The following SCCPDH variants were observed in gnomAD, a reference collection of about 807,000 sequenced individuals.
SCCPDH encodes the protein saccharopine dehydrogenase-like oxidoreductase.
A neutral mutation model predicts 51.5 loss-of-function variants in SCCPDH; 34 were observed. That is an observed-to-expected ratio of 0.66 (90% confidence interval 0.50 to 0.88). SCCPDH has a LOEUF of 0.88. Among genes scored for constraint, SCCPDH ranks in the 40% least tolerant of loss-of-function variants. SCCPDH has a pLI of 0.00. For synonymous variants in SCCPDH, 187 were observed against 191.3 expected (o/e 0.98, Z 0.19); for missense variants, 464 against 527.1 (o/e 0.88, Z 1.17).
intron 3 of SCCPDH, 116 bp from the exon 4 acceptor site, chr1:246,740,056 G>A (rs187704342): frequency 4.1e-6 from 3 of 735,688 alleles, no homozygotes; most frequent in South Asian, 2.7e-5. Context: ...TTGCTGCAGA[G>A]CCACACTGCT....
At chr1:246,738,784 T>G (rs1231715261) in intron 3 of SCCPDH, among the ~76,000 whole-genome samples, 1 of 151,620 alleles carries the variant, frequency 6.6e-6, no homozygotes, top group African/African-American at 2.4e-5. Context: ...ACCCGCGAGG[T>G]GGAGGTTGCA....
intron 2 of SCCPDH, among the ~76,000 whole-genome samples, chr1:246,731,908 C>G (rs1668497983): frequency 6.6e-6 from 1 of 151,860 alleles, no homozygotes. Flanking sequence ...GTTCCCCACC[C>G]TGTGTCCAAG....
chr1:246,764,322 C>A lies in SCCPDH; in HGVS notation c.1067C>A (p.Pro356Gln), dbSNP rs1487965323. 1 of 1,612,428 alleles carries A rather than the reference C, an allele frequency of 6.2e-7. No individual in the cohort carries two copies. Among genetic ancestry groups the A allele is most frequent in the Non-Finnish European group, 8.5e-7 (1 of 1,179,104 alleles). ...SQGTGTDKNK[P>Q]NIKICTQVKG... ...GGCACTGGTACAGATAAGAACAAAC[C>A]AAATATCAAAATTTGTACTCAGGTG... The change falls in exon 10 of 12, where the codon CCA becomes CAA. Residue 356 changes from proline to glutamine, a missense_variant. Pro to Gln is a moderately conservative substitution (Grantham distance 76). Coordinates refer to ENST00000366510, the MANE Select transcript of SCCPDH (RefSeq NM_016002.3).
At chr1:246,752,016 A>G (rs1282127482) in intron 5 of SCCPDH, among the ~76,000 whole-genome samples, 3 of 149,558 alleles carry the variant, frequency 2.0e-5, no homozygotes, top group Admixed American at 6.7e-5. Flanking sequence ...TCCTGACCTC[A>G]TGCTTCACCC....
intron 10 of SCCPDH, among the ~76,000 whole-genome samples, chr1:246,765,189 A>G (rs2102991831): frequency 6.8e-6 from 1 of 146,114 alleles, no homozygotes; most frequent in South Asian, 2.3e-4. Context: ...CCACTTGTGA[A>G]CTGTGGTATA....
chr1:246,726,928 T>C lies in SCCPDH; in HGVS notation c.227T>C (p.Ile76Thr), dbSNP rs759498657. The C allele has an allele frequency of 4.3e-6, 7 of 1,614,048 alleles. No homozygotes were observed. In the African/African-American group the frequency reaches 8.0e-5, roughly 18 times the overall value. Residue 76 changes from isoleucine (I) to threonine (T), a missense_variant, in exon 2 of 12, where the codon ATC (isoleucine) becomes ACC (threonine). Transcript: ENST00000366510. Reference protein sequence around the residue: ...PTLSSEVGIIICDIANPASLD... With the variant: ...PTLSSEVGIITCDIANPASLD... Reference sequence around the variant, plus strand: ...CTGTCATCTGAAGTTGGAATCATCATCTGTGATATTGCTAATCCAGCCTCG... The same window carrying C: ...CTGTCATCTGAAGTTGGAATCATCACCTGTGATATTGCTAATCCAGCCTCG...
intron 5 of SCCPDH, among the ~76,000 whole-genome samples, chr1:246,745,768 TGTA>T (rs1668749035): frequency 6.6e-6 from 1 of 152,040 alleles, no homozygotes. Flanking sequence ...AGAGTATAAG[TGTA>T]GTAGGACAAG....
rs958420292 is a variant in SCCPDH, at chr1:246,724,541, TGC to T, written c.120_121del (p.Pro41LeufsTer30). The T allele has an allele frequency of 1.4e-5, 22 of 1,548,968 alleles. No homozygotes were observed. The highest frequency in any genetic ancestry group is 1.9e-5 in the Non-Finnish European group (22 of 1,150,198). On this transcript the variant is annotated frameshift_variant, in exon 1 of 12. Transcript: ENST00000366510. LOFTEE classifies it high-confidence loss of function. ...GTGGACCCGGAGCGGAGCTCCCGCC[TGC>T]CCTGGGCCGTGGCGGGCCGCTCCCG...
At chr1:246,758,899 C>T (rs1324677632) in intron 6 of SCCPDH, 135 bp from the exon 7 acceptor site, 2 of 705,494 alleles carry the variant, frequency 2.8e-6, no homozygotes, top group Non-Finnish European at 5.2e-6. Flanking sequence ...AGTGATCCTC[C>T]TGCCTCGGCC....
intron 2 of SCCPDH, among the ~76,000 whole-genome samples, chr1:246,730,132 TCA>T (rs1317523093): frequency 6.6e-6 from 1 of 152,164 alleles, no homozygotes; most frequent in Non-Finnish European, 1.5e-5. Flanking sequence ...TTCTCATGAC[TCA>T]CTATCTCTGC....
intron 1 of SCCPDH, among the ~76,000 whole-genome samples, chr1:246,725,455 C>A (rs1402010083): frequency 1.3e-5 from 2 of 151,866 alleles, no homozygotes; most frequent in African/African-American, 2.4e-5. Context: ...ATCTGACTTA[C>A]GACTCCGTAG....
chr1:246,760,354 C>T, intron 9 of SCCPDH, 127 bp downstream of exon 9: 1 of 763,870 alleles, frequency 1.3e-6, no homozygotes, highest in Non-Finnish European at 2.1e-6. Context: ...TTAGATTATT[C>T]AATCTTTTCA....
chr1:246,733,001 T>C (rs575454080), intron 2 of SCCPDH, among the ~76,000 whole-genome samples: 1 of 152,362 alleles, frequency 6.6e-6, no homozygotes, highest in East Asian at 1.9e-4. Context: ...CTCAGTTTTG[T>C]CTCAGAGTCT....
At chr1:246,750,170 G>A (rs1486185667) in intron 5 of SCCPDH, among the ~76,000 whole-genome samples, 2 of 152,144 alleles carry the variant, frequency 1.3e-5, no homozygotes, top group Admixed American at 6.5e-5. Context: ...AAGCGGGTTC[G>A]AGTTTTCCTT....
chr1:246,737,729 G>A (rs1362657807), intron 3 of SCCPDH, among the ~76,000 whole-genome samples: 1 of 151,880 alleles, frequency 6.6e-6, no homozygotes, highest in Non-Finnish European at 1.5e-5. Flanking sequence ...GTAGCTGGGG[G>A]TACAGGTGCA....
At chr1:246,752,086 C>T (rs79004588) in intron 5 of SCCPDH, among the ~76,000 whole-genome samples, 1 of 151,894 alleles carries the variant, frequency 6.6e-6, no homozygotes, top group Non-Finnish European at 1.5e-5. Context: ...GGCTAATTCT[C>T]CTTTTTTTTT....
intron 9 of SCCPDH, among the ~76,000 whole-genome samples, chr1:246,761,354 C>T (rs12123234): frequency 0.031 from 4,753 of 152,284 alleles, 124 homozygotes; most frequent in Non-Finnish European, 0.049. Context: ...GGATTACAGG[C>T]GTGAGCCACT....
chr1:246,758,380 T>G, intron 6 of SCCPDH, 24 bp downstream of exon 6: 3 of 1,568,830 alleles, frequency 1.9e-6, no homozygotes, highest in Non-Finnish European at 2.6e-6. Flanking sequence ...AAATCCATTT[T>G]TTATATATCT....
At chr1:246,733,861 T>G (rs1412537867) in intron 2 of SCCPDH, among the ~76,000 whole-genome samples, 1 of 152,216 alleles carries the variant, frequency 6.6e-6, no homozygotes, top group Non-Finnish European at 1.5e-5. Context: ...TCATGCTACA[T>G]GTCCTGTGCT....
Sources: gnomAD v4.1 joint callset for allele counts (sites outside exome capture counted in the v4.1 genomes callset) on GRCh38, gnomAD v4.1.1 for gene constraint, MANE v1.5 for transcripts, NCBI Gene and HGNC (gene_info 2026-07-23, HGNC 2026-07-21) for gene names.